SIL1: variants seen among roughly 807,000 people sequenced by gnomAD.
The protein encoded by SIL1 is SIL1 nucleotide exchange factor.
In SIL1, 40 loss-of-function variants were observed where a neutral mutation model predicts 49.1. That is an observed-to-expected ratio of 0.81 (90% CI 0.63 to 1.06). The LOEUF (loss-of-function observed/expected upper bound fraction) is 1.06, where lower values mean the gene tolerates loss of function less well. Among genes scored for constraint, SIL1 ranks in the 50% least tolerant of loss-of-function variants. The pLI is 0.00. For synonymous variants in SIL1, 253 were observed against 250.8 expected (o/e 1.01, Z -0.08); for missense variants, 500 against 572.6 (o/e 0.87, Z 1.29).
At chr5:138,959,755 A>AGGGATCCCTCAGGG (rs1766978308) in intron 7 of SIL1, among the ~76,000 whole-genome samples, 1 of 152,194 alleles carries the variant, frequency 6.6e-6, no homozygotes, top group Admixed American at 6.5e-5. Context: ...ACCCTCAGGG[A>AGGGATCCCTCAGGG]TCCAGGCTGG....
At chr5:139,149,844 T>C (rs1751262850) in intron 1 of SIL1, among the ~76,000 whole-genome samples, 1 of 151,974 alleles carries the variant, frequency 6.6e-6, no homozygotes, top group Admixed American at 6.6e-5. Context: ...TTATGGAGAG[T>C]AGCATGATGA....
chr5:139,065,342 A>G (rs1266637802), intron 3 of SIL1, among the ~76,000 whole-genome samples: 3 of 152,204 alleles, frequency 2.0e-5, no homozygotes, highest in Non-Finnish European at 4.4e-5. Context: ...TAGAAATCAA[A>G]GAGGCCATAT....
chr5:139,059,198 G>A (rs1032243232), intron 3 of SIL1, among the ~76,000 whole-genome samples: 5 of 152,090 alleles, frequency 3.3e-5, no homozygotes, highest in African/African-American at 1.2e-4. Context: ...GGAGCCACCT[G>A]GTAGGAGGTA....
chr5:139,169,556 A>G lies in SIL1; in HGVS notation c.-11+28713T>C, dbSNP rs772081251. ...GAGTGCAATGGCACAATCTCCACTC[A>G]CTGCAACCTCCGCCTCCTGGGTTTA... On this transcript the variant is annotated intron_variant, in intron 1 of 9. Coordinates refer to ENST00000394817, the MANE Select transcript of SIL1 (RefSeq NM_022464.5). Among the ~76,000 whole-genome samples the G allele has an allele frequency of 2.7e-5, 4 of 148,902 alleles. 1 individual carries two copies. The highest frequency in any genetic ancestry group is 5.9e-5 in the Non-Finnish European group (4 of 67,650).
At chr5:139,023,511 G>T (rs1409124899) in intron 6 of SIL1, among the ~76,000 whole-genome samples, 1 of 152,234 alleles carries the variant, frequency 6.6e-6, no homozygotes, top group Non-Finnish European at 1.5e-5. Context: ...TACTGCCCGA[G>T]GTAGATGGGG....
chr5:139,116,955 C>A (rs1333326358), intron 3 of SIL1, among the ~76,000 whole-genome samples: 4 of 152,150 alleles, frequency 2.6e-5, no homozygotes, highest in African/African-American at 9.7e-5. Context: ...TTCTGAGATT[C>A]TAAGCAACCT....
intron 7 of SIL1, among the ~76,000 whole-genome samples, chr5:138,979,845 G>C (rs773759875): frequency 6.6e-6 from 1 of 152,212 alleles, no homozygotes; most frequent in East Asian, 1.9e-4. Context: ...ACAAGAGCAT[G>C]GGGGCAGTGT....
intron 7 of SIL1, among the ~76,000 whole-genome samples, chr5:138,986,559 CCCAGGCGCAGGACAACA>C (rs1212810302): frequency 1.3e-5 from 2 of 152,176 alleles, no homozygotes; most frequent in African/African-American, 4.8e-5. Flanking sequence ...CCTTTCCTCT[CCCAGGCGCAGGACAACA>C]CCAGCCCTCT....
chr5:139,136,624 A>G (rs1376096271), intron 1 of SIL1, among the ~76,000 whole-genome samples: 1 of 152,174 alleles, frequency 6.6e-6, no homozygotes, highest in Non-Finnish European at 1.5e-5. Flanking sequence ...ATGTCAGGAG[A>G]TCAGTCACTG....
chr5:139,129,062 G>T (rs772085732), intron 1 of SIL1, among the ~76,000 whole-genome samples: 1 of 152,134 alleles, frequency 6.6e-6, no homozygotes, highest in African/African-American at 2.4e-5. Flanking sequence ...TGGGAGGATC[G>T]CGTAAGCCTG....
At chr5:138,958,960 A>G (rs1194016574) in intron 7 of SIL1, among the ~76,000 whole-genome samples, 1 of 152,074 alleles carries the variant, frequency 6.6e-6, no homozygotes, top group Non-Finnish European at 1.5e-5. Context: ...TTCTTATTTA[A>G]TCTATGGAAT....
chr5:139,047,206 G>T (rs1202171112), intron 4 of SIL1, among the ~76,000 whole-genome samples: 1 of 152,136 alleles, frequency 6.6e-6, no homozygotes, highest in East Asian at 1.9e-4. Context: ...GGTTATTCCA[G>T]GGCAAAAAGA....
chr5:138,989,757 G>C (rs1330613505), intron 7 of SIL1, among the ~76,000 whole-genome samples: 28 of 152,210 alleles, frequency 1.8e-4, no homozygotes, highest in Admixed American at 1.8e-3. Flanking sequence ...AGTTACAGGG[G>C]TGGAGAGGGT....
intron 3 of SIL1, among the ~76,000 whole-genome samples, chr5:139,113,068 T>C (rs1395379813): frequency 6.6e-6 from 1 of 152,176 alleles, no homozygotes; most frequent in Non-Finnish European, 1.5e-5. Context: ...TGGTGCAAGA[T>C]GTGCTTTGTT....
At chr5:139,002,327 T>C (rs1380422889) in intron 7 of SIL1, among the ~76,000 whole-genome samples, 1 of 152,228 alleles carries the variant, frequency 6.6e-6, no homozygotes, top group Non-Finnish European at 1.5e-5. Context: ...TCTAATATCT[T>C]ATTTCTTTAA....
chr5:138,987,684 T>C (rs189057514), intron 7 of SIL1, among the ~76,000 whole-genome samples: 1 of 152,306 alleles, frequency 6.6e-6, no homozygotes, highest in Non-Finnish European at 1.5e-5. Flanking sequence ...AATGGAGCCC[T>C]CTTACTACAC....
chr5:139,180,106 G>T, intron 1 of SIL1, among the ~76,000 whole-genome samples: 1 of 148,158 alleles, frequency 6.7e-6, no homozygotes, highest in East Asian at 2.0e-4. Context: ...GCTCATGCTT[G>T]TAATCCCAGC....
chr5:139,095,252 T>C (rs558078853), intron 3 of SIL1, among the ~76,000 whole-genome samples: 2 of 151,384 alleles, frequency 1.3e-5, no homozygotes, highest in East Asian at 1.9e-4. Context: ...TATATATATA[T>C]ATTATTGGAA....
At chr5:139,057,000 G>T (rs1480889866) in intron 3 of SIL1, among the ~76,000 whole-genome samples, 2 of 152,176 alleles carry the variant, frequency 1.3e-5, no homozygotes, top group African/African-American at 4.8e-5. Context: ...TTGGGATCCT[G>T]TTGATGGGTG....
Sources: allele counts gnomAD v4.1 joint callset (sites outside exome capture counted in the v4.1 genomes callset), GRCh38; gene constraint gnomAD v4.1.1; transcripts MANE v1.5; gene names NCBI Gene and HGNC (gene_info 2026-07-23, HGNC 2026-07-21).